The following HMCN1 variants were observed in gnomAD, a reference collection of about 807,000 sequenced individuals.
The protein encoded by HMCN1 is hemicentin-1.
In HMCN1, 321 loss-of-function variants were observed where a neutral mutation model predicts 625.9. The ratio of observed to expected loss-of-function variants is 0.51; its 90% CI spans 0.47 to 0.56. The LOEUF is 0.56. Ranked by LOEUF, HMCN1 falls within the 20% of genes least tolerant of loss-of-function variation. The pLI is 0.00. For synonymous variants in HMCN1, 2,425 were observed against 2,417.6 expected (o/e 1.00, Z -0.09); for missense variants, 6,588 against 6,887.3 (o/e 0.96, Z 1.54).
intron 54 of HMCN1, among the ~76,000 whole-genome samples, chr1:186,076,995 C>G (rs1258014155): frequency 6.6e-6 from 1 of 152,060 alleles, no homozygotes; most frequent in African/African-American, 2.4e-5. Context: ...ATTAAATGCA[C>G]TTATCATAAA....
At chr1:186,046,862 C>A (rs996012068) in intron 41 of HMCN1, among the ~76,000 whole-genome samples, 1 of 152,014 alleles carries the variant, frequency 6.6e-6, no homozygotes, top group Admixed American at 6.6e-5. Context: ...AGAAGACCAC[C>A]GAATGTTTAT....
chr1:185,939,849 AGC>A (rs1241155045), intron 11 of HMCN1, among the ~76,000 whole-genome samples: 1 of 152,200 alleles, frequency 6.6e-6, no homozygotes, highest in Non-Finnish European at 1.5e-5. Context: ...CAAAAAGAAA[AGC>A]AACAGCACTT....
At chr1:186,110,977 C>CTTTTTTTTTTTGTTT (rs1660849270) in intron 71 of HMCN1, among the ~76,000 whole-genome samples, 1 of 61,648 alleles carries the variant, frequency 1.6e-5, no homozygotes, top group Non-Finnish European at 2.7e-5. Flanking sequence ...AGAGAAAATT[C>CTTTTTTTTTTTGTTT]TTTTTTTTTT....
At chr1:186,057,207 C>T in intron 45 of HMCN1, 27 bp from the exon 46 acceptor site, 1 of 1,588,718 alleles carries the variant, frequency 6.3e-7, no homozygotes, top group Non-Finnish European at 8.6e-7. Context: ...TATTTCCATT[C>T]CCTGTTTGTT....
intron 20 of HMCN1, 94 bp downstream of exon 20, chr1:185,987,638 G>A: frequency 1.1e-6 from 1 of 871,702 alleles, no homozygotes; most frequent in South Asian, 1.3e-5. Flanking sequence ...TCAGGAGTGG[G>A]GCATGGAAAG....
intron 105 of HMCN1, among the ~76,000 whole-genome samples, chr1:186,184,687 A>T (rs1376495563): frequency 6.6e-6 from 1 of 152,210 alleles, no homozygotes; most frequent in East Asian, 1.9e-4. Context: ...TCTATAAGAC[A>T]GATGTTTCAA....
At position 186,015,162 on chromosome 1, in the gene HMCN1, C is replaced by G; in HGVS notation, c.4634C>G (p.Pro1545Arg). The change falls in exon 31 of 107, where the codon CCA becomes CGA. Residue 1545 changes from proline to arginine, a missense_variant. By Grantham distance (103) the Pro-to-Arg change is moderately radical (BLOSUM62 -2). This residue lies in a region of HMCN1 where 4,628 missense variants were observed against 4,853.1 expected (regional missense o/e 0.95). Coordinates refer to ENST00000271588, the MANE Select transcript of HMCN1 (RefSeq NM_031935.3). The part of the protein sequence containing the change: ...AKDIKLTIYI[P>R]PSIKGGNVTT... ...TTTGTTCTGAAATCCTTTGTAGTTC[C>G]ACCTAGTATTAAAGGAGGAAATGTC... 1.2e-6 allele frequency: 2 copies of G among 1,606,176 alleles called. No homozygotes were observed. Among genetic ancestry groups the G allele is most frequent in the Non-Finnish European group, 1.7e-6 (2 of 1,173,178 alleles).
In HMCN1 at chr1:186,055,457, T is replaced by C; in HGVS notation, c.6927T>C (p.Ser2309=). 1 of 1,612,444 alleles carries C rather than the reference T, an allele frequency of 6.2e-7. No homozygotes were observed. The highest frequency in any genetic ancestry group is 8.5e-7 in the Non-Finnish European group (1 of 1,179,136). ...PTEIIVTRGK[S]ISLECEVQGI... ...AAATTATTGTGACCCGAGGGAAGAG[T>C]ATCTCCTTGGAGTGTGAGGTGCAGG... Residue 2309 remains serine, a synonymous_variant, in exon 45 of 107, where the codon AGT becomes AGC. Coordinates refer to ENST00000271588, the MANE Select transcript of HMCN1 (RefSeq NM_031935.3).
rs370303689 is a variant in HMCN1, at chr1:185,857,668, G to A, written c.340-6802G>A. Among the ~76,000 whole-genome samples, 6 of 152,170 alleles carry A rather than the reference G, an allele frequency of 3.9e-5. No homozygotes were observed. The East Asian group carries it at 5.8e-4, about 15-fold the overall frequency. ...GTTTAGTTCTGGAATTGTATTACTCGAAATGGGATGGGCTAGGCTTAAGTC... is the reference window on the plus strand; with the variant it reads ...GTTTAGTTCTGGAATTGTATTACTCAAAATGGGATGGGCTAGGCTTAAGTC... On this transcript the variant is annotated intron_variant, in intron 2 of 106. Coordinates refer to ENST00000271588, the MANE Select transcript of HMCN1 (RefSeq NM_031935.3).
chr1:185,748,742 A>G, intron 1 of HMCN1, among the ~76,000 whole-genome samples: 1 of 152,226 alleles, frequency 6.6e-6, no homozygotes, highest in East Asian at 1.9e-4. Flanking sequence ...GAGTATCAGT[A>G]AAGTGAGAAT....
At chr1:185,932,464 C>T (rs935647962) in intron 10 of HMCN1, among the ~76,000 whole-genome samples, 1 of 152,144 alleles carries the variant, frequency 6.6e-6, no homozygotes, top group Non-Finnish European at 1.5e-5. Flanking sequence ...AAAACAGACA[C>T]ATGAATTTCT....
At chr1:185,984,678 C>A (rs945657723) in intron 19 of HMCN1, among the ~76,000 whole-genome samples, 1 of 152,178 alleles carries the variant, frequency 6.6e-6, no homozygotes, top group African/African-American at 2.4e-5. Context: ...GTGCAACCAG[C>A]ATGTCCTTAC....
intron 97 of HMCN1, among the ~76,000 whole-genome samples, chr1:186,160,393 TG>T (rs1421133578): frequency 6.7e-6 from 1 of 148,796 alleles, no homozygotes; most frequent in African/African-American, 2.5e-5. Flanking sequence ...ATTAATTTTT[TG>T]AAGGGTTTTT....
At chr1:185,984,577 T>C (rs11801883) in intron 19 of HMCN1, among the ~76,000 whole-genome samples, 4,672 of 152,274 alleles carry the variant, frequency 0.031, 251 homozygotes, top group African/African-American at 0.11. Context: ...AAAGTGACCT[T>C]GGCTCTCAAA....
chr1:186,154,961 G>C (rs996907824), intron 97 of HMCN1, among the ~76,000 whole-genome samples: 2 of 152,130 alleles, frequency 1.3e-5, no homozygotes, highest in African/African-American at 4.8e-5. Context: ...ATGTAGTCCT[G>C]TTAGACATTA....
rs2102560933 is a variant in HMCN1, at chr1:185,963,848, G to A, written c.2051G>A (p.Ser684Asn). 1 of 1,612,126 alleles carries A rather than the reference G, an allele frequency of 6.2e-7. No individual in the cohort carries two copies. The highest frequency in any genetic ancestry group is 8.5e-7 in the Non-Finnish European group (1 of 1,178,496). Residue 684 changes from serine to asparagine, a missense_variant, in exon 13 of 107, where the codon AGT becomes AAT. Ser to Asn is a conservative substitution (Grantham distance 46). Coordinates refer to ENST00000271588, the MANE Select transcript of HMCN1 (RefSeq NM_031935.3). Reference protein sequence around the residue: ...KDAGIYGCLASNSAGTDKQNS... With the variant: ...KDAGIYGCLANNSAGTDKQNS... ...GCAGGGATCTATGGTTGCCTAGCAA[G>A]TAATTCAGCTGGAACAGATAAACAG...
intron 1 of HMCN1, among the ~76,000 whole-genome samples, chr1:185,829,729 G>A (rs1270838603): frequency 2.6e-5 from 4 of 152,134 alleles, no homozygotes; most frequent in Admixed American, 2.0e-4. Context: ...GTATGTGCAT[G>A]TGTATAGTAG....
chr1:185,848,080 CA>C (rs1661946504), intron 2 of HMCN1, among the ~76,000 whole-genome samples: 1 of 152,124 alleles, frequency 6.6e-6, no homozygotes, highest in Admixed American at 6.6e-5. Context: ...CAAAAAATTT[CA>C]GTATTTTTCT....
At chr1:186,186,992 T>TACACACACACA (rs1653353745) in intron 105 of HMCN1, among the ~76,000 whole-genome samples, 2 of 95,432 alleles carry the variant, frequency 2.1e-5, no homozygotes, top group African/African-American at 8.8e-5. Flanking sequence ...TCTGTCTCTG[T>TACACACACACA]CTCACACACA....
Sources: gnomAD v4.1 joint callset for allele counts (sites outside exome capture counted in the v4.1 genomes callset) on GRCh38, gnomAD v4.1.1 for gene constraint, gnomAD v4.1.1 regional missense constraint, MANE v1.5 for transcripts, NCBI Gene and HGNC (gene_info 2026-07-23, HGNC 2026-07-21) for gene names.